The following CHL1 variants were observed in gnomAD, a reference collection of about 807,000 sequenced individuals.
The protein encoded by CHL1 is cell adhesion molecule L1 like.
CHL1 carries 96 observed loss-of-function variants against 141.9 expected under a neutral mutation model. The observed-to-expected ratio is 0.68, with a 90% CI of 0.57 to 0.80. The LOEUF (loss-of-function observed/expected upper bound fraction) is 0.80. CHL1 is among the 30% of genes least tolerant of loss of function. CHL1 has a pLI of 0.00. For missense variants in CHL1, 1,820 were observed against 1,457.2 expected (o/e 1.25, Z -4.05); for synonymous variants, 613 against 502.2 (o/e 1.22, Z -2.95).
intron 2 of CHL1, among the ~76,000 whole-genome samples, chr3:250,640 G>A (rs544586230): frequency 2.5e-4 from 38 of 152,166 alleles, no homozygotes; most frequent in African/African-American, 8.7e-4. Context: ...CTCTTTCTGT[G>A]TTTGCTGCTT....
At chr3:296,490 G>A (rs1274786564) in intron 2 of CHL1, among the ~76,000 whole-genome samples, 1 of 151,506 alleles carries the variant, frequency 6.6e-6, no homozygotes, top group African/African-American at 2.4e-5. Context: ...ACCTCTTCAT[G>A]AATTTAGAAC....
Position 251,961 on chromosome 3 carries a change from A to T in CHL1, c.-95+7269A>T, listed in dbSNP as rs540852696. Reference sequence around the variant, plus strand: ...TTAAAACAAATTCAGTTTTTCAACTAAAAATATCAAGCTGAGTTGGAAATC... The same window carrying T: ...TTAAAACAAATTCAGTTTTTCAACTTAAAATATCAAGCTGAGTTGGAAATC... On this transcript the variant is annotated intron_variant, in intron 2 of 27. Coordinates refer to ENST00000256509, the MANE Select transcript of CHL1 (RefSeq NM_006614.4). Among the ~76,000 whole-genome samples, 3 of 152,200 alleles carry T rather than the reference A, an allele frequency of 2.0e-5. No homozygotes were observed. The South Asian group carries it at 6.2e-4, about 32-fold the overall frequency.
At chr3:267,725 G>A (rs1695276693) in intron 2 of CHL1, among the ~76,000 whole-genome samples, 1 of 152,134 alleles carries the variant, frequency 6.6e-6, no homozygotes, top group South Asian at 2.1e-4. Context: ...ATTGTTGCAT[G>A]AAGCTCAAGA....
At chr3:230,968 C>A (rs758800586) in intron 1 of CHL1, among the ~76,000 whole-genome samples, 6 of 152,168 alleles carry the variant, frequency 3.9e-5, no homozygotes, top group Non-Finnish European at 7.4e-5. Flanking sequence ...GAATCCTTAG[C>A]TTTCCCCAGA....
At chr3:353,892 G>T (rs971148649) in intron 10 of CHL1, among the ~76,000 whole-genome samples, 1 of 152,044 alleles carries the variant, frequency 6.6e-6, no homozygotes, top group Admixed American at 6.6e-5. Context: ...CCCTGACATA[G>T]CAATATTCAT....
At chr3:212,372 G>A (rs1699971089) in intron 1 of CHL1, among the ~76,000 whole-genome samples, 1 of 151,970 alleles carries the variant, frequency 6.6e-6, no homozygotes, top group Non-Finnish European at 1.5e-5. Context: ...TATGTCCTTT[G>A]TCTGCTTTTA....
At position 340,789 on chromosome 3, in the gene CHL1, A is replaced by C. The variant is rs369270486; in HGVS notation, c.386-5A>C. On this transcript the variant is annotated splice_region_variant and splice_polypyrimidine_tract_variant and intron_variant, in intron 5 of 27. Transcript: ENST00000256509. ...ATAACACATTAAAATGATTTTTTAC[A>C]CCAGGTGTTCCAAAATTCCCAAAAG... is the stretch of plus-strand genomic sequence containing the variant. The C allele has an allele frequency of 1.2e-5, 20 of 1,602,614 alleles. No individual in the cohort carries two copies. In the African/African-American group the frequency reaches 2.5e-4, roughly 20 times the overall value.
rs137893794 is a variant in CHL1 at position 366,314 on chromosome 3, T to C, written c.1751+199T>C. 9.5e-4 allele frequency among the ~76,000 whole-genome samples: 144 copies of C among 151,790 alleles called. 2 individuals carry two copies. The East Asian group carries it at 0.02, about 22-fold the overall frequency. ...GGTGAAACCCCGTCTCCACTAAAAA[T>C]ACAAAAATTAGCCGGGCATGATGGC... On this transcript the variant is annotated intron_variant, in intron 15 of 27. Coordinates refer to ENST00000256509, the MANE Select transcript of CHL1 (RefSeq NM_006614.4).
chr3:266,579 G>A lies in CHL1; in HGVS notation c.-95+21887G>A, dbSNP rs146230602. ...ACGTGAAGCTCCAGTTTTGGTGCTA[G>A]CAACAACAGGACAGAGGCTTACTTT... On this transcript the variant is annotated intron_variant, in intron 2 of 27. Transcript: ENST00000256509. Among the ~76,000 whole-genome samples the A allele has an allele frequency of 3.1e-3, 467 of 152,204 alleles. 5 individuals are homozygous for A. Among genetic ancestry groups the A allele is most frequent in the African/African-American group, 0.011 (438 of 41,522 alleles).
chr3:259,442 A>T (rs1346001208), intron 2 of CHL1, among the ~76,000 whole-genome samples: 1 of 152,092 alleles, frequency 6.6e-6, no homozygotes, highest in African/African-American at 2.4e-5. Context: ...TCTGACCCCA[A>T]GTTCAAGCTG....
chr3:345,895 C>A (rs1315101172), intron 9 of CHL1, among the ~76,000 whole-genome samples: 1 of 152,206 alleles, frequency 6.6e-6, no homozygotes, highest in Non-Finnish European at 1.5e-5. Flanking sequence ...CAGGGACCAT[C>A]TTATTTAATA....
chr3:224,433 G>T (rs1258038511), intron 1 of CHL1, among the ~76,000 whole-genome samples: 1 of 152,036 alleles, frequency 6.6e-6, no homozygotes, highest in Non-Finnish European at 1.5e-5. Flanking sequence ...GAGGTGTTTG[G>T]GTCATGGGAA....
intron 2 of CHL1, among the ~76,000 whole-genome samples, chr3:251,214 A>C (rs1223998094): frequency 6.6e-6 from 1 of 152,108 alleles, no homozygotes. Flanking sequence ...GAATGCTTTC[A>C]TTTTTCTTGA....
chr3:249,299 A>G (rs1160414362), intron 2 of CHL1, among the ~76,000 whole-genome samples: 1 of 152,160 alleles, frequency 6.6e-6, no homozygotes, highest in Non-Finnish European at 1.5e-5. Context: ...GTCTGTCATA[A>G]TTGACTTGCA....
At chr3:316,357 T>G (rs1019312597) in intron 2 of CHL1, among the ~76,000 whole-genome samples, 2 of 151,994 alleles carry the variant, frequency 1.3e-5, no homozygotes, top group African/African-American at 4.8e-5. Context: ...CAGTAAGATG[T>G]GACAGTAAGA....
intron 12 of CHL1, among the ~76,000 whole-genome samples, chr3:360,730 T>C (rs1203316156): frequency 2.0e-5 from 2 of 98,994 alleles, no homozygotes; most frequent in East Asian, 3.0e-4. Flanking sequence ...CCCGATGCTA[T>C]CCCGCCCCCC....
intron 5 of CHL1, among the ~76,000 whole-genome samples, chr3:335,789 C>T (rs548432906): frequency 6.6e-6 from 1 of 152,172 alleles, no homozygotes; most frequent in Admixed American, 6.5e-5. Flanking sequence ...CAAATAATTG[C>T]ACAAAGTCAC....
intron 19 of CHL1, among the ~76,000 whole-genome samples, chr3:386,499 A>T (rs2125419898): frequency 6.6e-6 from 1 of 152,328 alleles, no homozygotes; most frequent in Admixed American, 6.5e-5. Context: ...AGGACAAAAG[A>T]GTCTACTGCA....
chr3:272,081 T>C (rs1053602264), intron 2 of CHL1, among the ~76,000 whole-genome samples: 10 of 152,232 alleles, frequency 6.6e-5, no homozygotes, highest in Non-Finnish European at 1.3e-4. Flanking sequence ...TAAATAACAT[T>C]CATATAGATA....
Sources: allele counts gnomAD v4.1 joint callset (sites outside exome capture counted in the v4.1 genomes callset), GRCh38; gene constraint gnomAD v4.1.1; transcripts MANE v1.5; gene names NCBI Gene and HGNC (gene_info 2026-07-23, HGNC 2026-07-21).